FGF14: variants seen among roughly 807,000 people sequenced by gnomAD.
FGF14 encodes fibroblast growth factor 14.
Under a neutral mutation model 25.5 loss-of-function variants are expected in FGF14, and 5 were observed. The ratio of observed to expected loss-of-function variants is 0.20; its 90% CI spans 0.10 to 0.41. The LOEUF (loss-of-function observed/expected upper bound fraction) is 0.41. Ranked by LOEUF, FGF14 falls within the 10% of genes least tolerant of loss-of-function variation. The probability of loss-of-function intolerance (pLI) is 1.00; values close to 1 mark genes in which losing one functional copy is unlikely to be tolerated. For missense variants in FGF14, 222 were observed against 320.1 expected (o/e 0.69, Z 2.34); for synonymous variants, 138 against 118.3 (o/e 1.17, Z -1.08).
At chr13:102,264,389 G>A (rs972880475) in intron 1 of FGF14, among the ~76,000 whole-genome samples, 20 of 152,196 alleles carry the variant, frequency 1.3e-4, no homozygotes, top group African/African-American at 4.3e-4. Flanking sequence ...TATAAAGCAC[G>A]AAAACTGGCC....
At chr13:101,938,071 A>ACC (rs1162495475) in intron 1 of FGF14, among the ~76,000 whole-genome samples, 1 of 152,246 alleles carries the variant, frequency 6.6e-6, no homozygotes, top group Non-Finnish European at 1.5e-5. Flanking sequence ...ACTGGCTTCC[A>ACC]GACAGGGCAC....
intron 1 of FGF14, among the ~76,000 whole-genome samples, chr13:102,020,477 G>A (rs187964702): frequency 3.4e-4 from 52 of 152,180 alleles, no homozygotes; most frequent in Admixed American, 2.2e-3. Flanking sequence ...AAATCTGGGA[G>A]GCAGAAGTTT....
At chr13:102,398,404 G>A (rs999547129) in intron 1 of FGF14, among the ~76,000 whole-genome samples, 8 of 152,188 alleles carry the variant, frequency 5.3e-5, no homozygotes, top group Non-Finnish European at 8.8e-5. Context: ...ACAGTTTAGC[G>A]AATTGGAAAT....
At chr13:101,953,193 C>A (rs1409090582) in intron 1 of FGF14, among the ~76,000 whole-genome samples, 1 of 152,182 alleles carries the variant, frequency 6.6e-6, no homozygotes, top group African/African-American at 2.4e-5. Flanking sequence ...CTCAGTCCTA[C>A]CTTCACCTGT....
intron 1 of FGF14, among the ~76,000 whole-genome samples, chr13:102,218,627 G>A (rs186444250): frequency 1.3e-5 from 2 of 151,800 alleles, no homozygotes; most frequent in African/African-American, 2.4e-5. Flanking sequence ...ATGTTAAAGG[G>A]CCACCAAATT....
At chr13:102,258,829 G>A (rs1408431227) in intron 1 of FGF14, among the ~76,000 whole-genome samples, 1 of 152,106 alleles carries the variant, frequency 6.6e-6, no homozygotes, top group African/African-American at 2.4e-5. Context: ...GTAGGTTTGG[G>A]ACAAATACTA....
intron 1 of FGF14, among the ~76,000 whole-genome samples, chr13:101,884,906 G>A (rs1309634030): frequency 1.3e-5 from 2 of 151,686 alleles, no homozygotes; most frequent in African/African-American, 4.8e-5. Context: ...GTAAAGTATG[G>A]CAAACGCTGC....
At chr13:102,235,600 AG>A (rs1356043103) in intron 1 of FGF14, among the ~76,000 whole-genome samples, 1 of 152,222 alleles carries the variant, frequency 6.6e-6, no homozygotes, top group East Asian at 1.9e-4. Context: ...ATGGTCAAAA[AG>A]GATCAGGATC....
chr13:102,253,656 G>A (rs2052306216), intron 1 of FGF14, among the ~76,000 whole-genome samples: 1 of 152,088 alleles, frequency 6.6e-6, no homozygotes, highest in Non-Finnish European at 1.5e-5. Flanking sequence ...CTGTGCAGAA[G>A]CTCTTTAGTT....
chr13:102,365,194 T>C (rs931654993), intron 1 of FGF14, among the ~76,000 whole-genome samples: 2 of 152,068 alleles, frequency 1.3e-5, no homozygotes, highest in East Asian at 1.9e-4. Context: ...TCACAGCCCC[T>C]TTGAGAATCT....
At chr13:102,078,608 A>G (rs567413413) in intron 1 of FGF14, among the ~76,000 whole-genome samples, 3 of 152,276 alleles carry the variant, frequency 2.0e-5, no homozygotes, top group East Asian at 3.9e-4. Context: ...TTCTCATCCA[A>G]CTGCACTATG....
At chr13:101,838,266 A>G (rs2043024129) in intron 3 of FGF14, among the ~76,000 whole-genome samples, 1 of 151,904 alleles carries the variant, frequency 6.6e-6, no homozygotes, top group Non-Finnish European at 1.5e-5. Flanking sequence ...ATATTTTTAA[A>G]AAGTCTCATC....
At chr13:102,136,826 G>A (rs978479358) in intron 1 of FGF14, among the ~76,000 whole-genome samples, 4 of 152,178 alleles carry the variant, frequency 2.6e-5, no homozygotes, top group Admixed American at 1.3e-4. Context: ...TAGCTCATAT[G>A]TATTTGATGT....
chr13:102,387,075 T>C (rs1487993081), intron 1 of FGF14, among the ~76,000 whole-genome samples: 11 of 152,204 alleles, frequency 7.2e-5, no homozygotes, highest in Admixed American at 5.9e-4. Flanking sequence ...TAAACCATGA[T>C]TTCCAATAAG....
At chr13:102,009,366 T>C (rs895998897) in intron 1 of FGF14, among the ~76,000 whole-genome samples, 1 of 152,174 alleles carries the variant, frequency 6.6e-6, no homozygotes, top group African/African-American at 2.4e-5. Context: ...TATTGGTAAA[T>C]TTTCCAATCA....
chr13:101,783,268 A>T (rs915049802), intron 3 of FGF14, among the ~76,000 whole-genome samples: 18 of 151,836 alleles, frequency 1.2e-4, no homozygotes, highest in African/African-American at 4.4e-4. Flanking sequence ...TCAGGAGATC[A>T]AGACCATCCT....
intron 3 of FGF14, among the ~76,000 whole-genome samples, chr13:101,854,657 A>C (rs1312194275): frequency 6.6e-6 from 1 of 152,070 alleles, no homozygotes; most frequent in East Asian, 1.9e-4. Flanking sequence ...AGAATTCTCA[A>C]GGTCACTCAG....
chr13:101,976,373 GA>G (rs1244193963), intron 1 of FGF14, among the ~76,000 whole-genome samples: 11 of 151,944 alleles, frequency 7.2e-5, no homozygotes, highest in African/African-American at 2.2e-4. Flanking sequence ...GTAGCCCATT[GA>G]AAAAAATGCT....
intron 1 of FGF14, among the ~76,000 whole-genome samples, chr13:102,393,479 ACTT>A (rs1435358150): frequency 6.6e-6 from 1 of 152,262 alleles, no homozygotes; most frequent in Non-Finnish European, 1.5e-5. Flanking sequence ...ATCTTTTTCA[ACTT>A]CTTAATTTAC....
Sources: allele counts gnomAD v4.1 joint callset (sites outside exome capture counted in the v4.1 genomes callset), GRCh38; gene constraint gnomAD v4.1.1; transcripts MANE v1.5; gene names NCBI Gene and HGNC (gene_info 2026-07-23, HGNC 2026-07-21).